The following ANK1 variants were observed in gnomAD, a reference collection of about 807,000 sequenced individuals.
ANK1 encodes the protein ankyrin 1.
In ANK1, 51 loss-of-function variants were observed where a neutral mutation model predicts 210.4. The observed-to-expected ratio is 0.24, with a 90% CI of 0.19 to 0.31. The LOEUF (loss-of-function observed/expected upper bound fraction) is 0.31, where lower values mean the gene tolerates loss of function less well. ANK1 is among the 10% of genes least tolerant of loss of function. The pLI is 1.00. For missense variants in ANK1, 2,051 were observed against 2,504.4 expected (o/e 0.82, Z 3.86); for synonymous variants, 967 against 1,025.9 (o/e 0.94, Z 1.10).
At chr8:41,685,370 T>C (rs760185948) in intron 36 of ANK1, among the ~76,000 whole-genome samples, 21 of 152,388 alleles carry the variant, frequency 1.4e-4, no homozygotes, top group Admixed American at 2.6e-4. Context: ...TGATTTGAGA[T>C]GCAAATGTAA....
In ANK1 at chr8:41,724,521, A is replaced by G. The variant is rs1219245553; in HGVS notation, c.646T>C (p.Tyr216His). 1 of 1,600,894 alleles carries G rather than the reference A, an allele frequency of 6.2e-7. No individual in the cohort carries two copies. Among genetic ancestry groups the G allele is most frequent in the Non-Finnish European group, 8.5e-7 (1 of 1,173,644 alleles). ...AACTGGGCCACGTTGAGGTTCTCGT[A>G]GTGAGCCGCAATGTGCAGGGGCGTG... ...GFTPLHIAAH[Y>H]ENLNVAQLLL... The change falls in exon 7 of 43, where the codon TAC becomes CAC. Residue 216 changes from tyrosine (Y) to histidine (H), a missense_variant. This residue lies in a region of ANK1 where 1,413 missense variants were observed against 1,707.4 expected (regional missense o/e 0.83). Coordinates refer to ENST00000289734, the MANE Select transcript of ANK1 (RefSeq NM_000037.4).
rs964055087 is a variant in ANK1, at chr8:41,717,980, A to G, written c.1206+126T>C. On this transcript the variant is annotated intron_variant, in intron 11 of 42. Coordinates refer to ENST00000289734, the MANE Select transcript of ANK1 (RefSeq NM_000037.4). ...TAGTCACCCCTGATTCATTCCTTCCAGCAGTCCAGACTTGCAGACACACAC... is the reference window on the plus strand; with the variant it reads ...TAGTCACCCCTGATTCATTCCTTCCGGCAGTCCAGACTTGCAGACACACAC... 5 of 927,704 alleles carry G rather than the reference A, an allele frequency of 5.4e-6. No homozygotes were observed. The African/African-American group carries it at 8.2e-5, about 15-fold the overall frequency. 57.5% of individuals were successfully genotyped at this position (927,704 alleles called of 1,614,324 possible). A position where few individuals can be genotyped will look rare whatever the true frequency, so the allele number is the denominator to read the frequency against.
chr8:41,673,003 C>A, intron 37 of ANK1, 91 bp from the exon 38 acceptor site: 1 of 1,342,308 alleles, frequency 7.4e-7, no homozygotes, highest in Middle Eastern at 2.5e-4. Flanking sequence ...CGAACACACA[C>A]ATGCGGGTGC....
Position 41,825,132 on chromosome 8 carries a change from C to T in ANK1, c.127-66995G>A, listed in dbSNP as rs145074870. Among the ~76,000 whole-genome samples, 276 of 152,346 alleles carry T rather than the reference C, an allele frequency of 1.8e-3. 3 individuals carry two copies. The highest frequency in any genetic ancestry group is 6.4e-3 in the African/African-American group (267 of 41,580). ...TACTTCCAGGTGGAAACAGGAACTTCGGCCGCATTCTGCTCAGGACCCAGA... is the reference window on the plus strand; with the variant it reads ...TACTTCCAGGTGGAAACAGGAACTTTGGCCGCATTCTGCTCAGGACCCAGA... On this transcript the variant is annotated intron_variant, in intron 1 of 42. Transcript: ENST00000265709.
intron 1 of ANK1, among the ~76,000 whole-genome samples, chr8:41,778,335 C>A (rs1844556237): frequency 6.6e-6 from 1 of 152,190 alleles, no homozygotes; most frequent in Non-Finnish European, 1.5e-5. Context: ...GAGGTTGCAA[C>A]AAGAACCACC....
At chr8:41,790,757 G>A (rs188907635) in intron 1 of ANK1, among the ~76,000 whole-genome samples, 1 of 152,292 alleles carries the variant, frequency 6.6e-6, no homozygotes, top group African/African-American at 2.4e-5. Context: ...CTCTGATGGC[G>A]GAACTTTAGA....
chr8:41,698,655 TCA>T (rs1691455471), intron 23 of ANK1, among the ~76,000 whole-genome samples: 1 of 152,112 alleles, frequency 6.6e-6, no homozygotes, highest in Admixed American at 6.6e-5. Flanking sequence ...CTCACAGCAG[TCA>T]CAGGGGGAAA....
At chr8:41,714,488 G>A (rs1285017599) in intron 15 of ANK1, among the ~76,000 whole-genome samples, 4 of 152,110 alleles carry the variant, frequency 2.6e-5, no homozygotes, top group Non-Finnish European at 5.9e-5. Flanking sequence ...GAAGGCCATC[G>A]GGTCTTTCCA....
intron 1 of ANK1, among the ~76,000 whole-genome samples, chr8:41,816,275 G>A (rs1266501830): frequency 1.3e-5 from 2 of 152,160 alleles, no homozygotes; most frequent in Admixed American, 6.5e-5. Flanking sequence ...TGATGTGATT[G>A]ATATACACAC....
intron 1 of ANK1, among the ~76,000 whole-genome samples, chr8:41,888,997 A>G (rs925344675): frequency 6.6e-6 from 1 of 152,158 alleles, no homozygotes; most frequent in African/African-American, 2.4e-5. Flanking sequence ...AAGAAGGAAA[A>G]CTATCTTCAG....
intron 2 of ANK1, among the ~76,000 whole-genome samples, chr8:41,755,999 T>A (rs937381313): frequency 6.6e-6 from 1 of 152,150 alleles, no homozygotes; most frequent in Non-Finnish European, 1.5e-5. Context: ...CTACTTCTGT[T>A]TCCCATCACA....
chr8:41,699,774 C>T (rs1478184017), intron 22 of ANK1, among the ~76,000 whole-genome samples: 1 of 152,202 alleles, frequency 6.6e-6, no homozygotes, highest in Non-Finnish European at 1.5e-5. Context: ...ATGCCTGAGG[C>T]TTTGCAGGAG....
At chr8:41,737,806 TA>T (rs1467652478) in intron 2 of ANK1, among the ~76,000 whole-genome samples, 6 of 152,056 alleles carry the variant, frequency 3.9e-5, no homozygotes, top group Non-Finnish European at 8.8e-5. Context: ...GCAATGCCTG[TA>T]AAAAACACAT....
chr8:41,823,212 G>A (rs1240911875), intron 1 of ANK1, among the ~76,000 whole-genome samples: 3 of 152,106 alleles, frequency 2.0e-5, no homozygotes, highest in Non-Finnish European at 4.4e-5. Context: ...CCTTCTAGCG[G>A]GTAGCTGAAG....
chr8:41,700,944 T>A (rs1023999976), intron 22 of ANK1, among the ~76,000 whole-genome samples: 3 of 152,034 alleles, frequency 2.0e-5, no homozygotes, highest in African/African-American at 7.2e-5. Context: ...TAGTTCTAAT[T>A]TTTTGGAGAG....
chr8:41,700,343 C>A (rs759308068), intron 22 of ANK1: 9 of 1,386,764 alleles, frequency 6.5e-6, no homozygotes, highest in African/African-American at 2.9e-5. Flanking sequence ...AGATGGAAAG[C>A]AGGAATGGAT....
intron 2 of ANK1, among the ~76,000 whole-genome samples, chr8:41,757,438 C>T (rs1396122573): frequency 1.3e-5 from 2 of 152,174 alleles, no homozygotes; most frequent in African/African-American, 4.8e-5. Flanking sequence ...TCTTTGGCTC[C>T]AAGCCCGAGT....
intron 1 of ANK1, among the ~76,000 whole-genome samples, chr8:41,787,474 G>A (rs777896430): frequency 1.3e-5 from 2 of 152,186 alleles, no homozygotes; most frequent in Non-Finnish European, 2.9e-5. Flanking sequence ...CCTGACAGGG[G>A]TAGCTGGGAG....
At chr8:41,851,102 A>G (rs1368481319) in intron 1 of ANK1, among the ~76,000 whole-genome samples, 1 of 152,202 alleles carries the variant, frequency 6.6e-6, no homozygotes, top group South Asian at 2.1e-4. Context: ...TGACAGTAAG[A>G]TGCCTCCCTA....
Sources: gnomAD v4.1 joint callset for allele counts (sites outside exome capture counted in the v4.1 genomes callset) on GRCh38, gnomAD v4.1.1 for gene constraint, gnomAD v4.1.1 regional missense constraint, MANE v1.5 for transcripts, NCBI Gene and HGNC (gene_info 2026-07-23, HGNC 2026-07-21) for gene names.